The following THEMIS variants were observed in gnomAD, a reference collection of about 807,000 sequenced individuals.
The protein encoded by THEMIS is protein THEMIS.
In THEMIS, 37 loss-of-function variants were observed where a neutral mutation model predicts 52.6. The ratio of observed to expected loss-of-function variants is 0.70; its 90% confidence interval spans 0.54 to 0.93. THEMIS has a LOEUF of 0.93. Ranked by LOEUF, THEMIS falls within the 40% of genes least tolerant of loss-of-function variation. The pLI, the probability that THEMIS is intolerant of heterozygous loss-of-function variation, is 0.00. For synonymous variants in THEMIS, 292 were observed against 272.7 expected (o/e 1.07, Z -0.70); for missense variants, 808 against 763.1 (o/e 1.06, Z -0.69).
chr6:127,866,889 G>GTAGA (rs1159443550), intron 1 of THEMIS, among the ~76,000 whole-genome samples: 1 of 151,622 alleles, frequency 6.6e-6, no homozygotes, highest in African/African-American at 2.4e-5. Flanking sequence ...TGATAAGCTA[G>GTAGA]TAGACACTAA....
rs543494640 is a variant in THEMIS at position 127,721,081 on chromosome 6, C to G, written c.1759-1258G>C. ...ACAATTGTTTTTGCTCATTCCTTAA[C>G]TTCCACTATGCCATGAGGCTATGCC... On this transcript the variant is annotated intron_variant, in intron 4 of 5. Transcript: ENST00000368248. Among the ~76,000 whole-genome samples the G allele has an allele frequency of 3.9e-5, 6 of 152,086 alleles. No homozygotes were observed. In the South Asian group the frequency reaches 1.2e-3, roughly 32 times the overall value.
At chr6:127,901,199 G>A, upstream of THEMIS, 1 of 510,358 alleles carries the variant, frequency 2.0e-6, no homozygotes, top group Non-Finnish European at 3.5e-6. Context: ...ACAGGATGGG[G>A]GTGGGGTGAA....
chr6:127,846,654 C>T (rs546959123), intron 2 of THEMIS, among the ~76,000 whole-genome samples: 12 of 151,608 alleles, frequency 7.9e-5, no homozygotes, highest in Non-Finnish European at 1.6e-4. Flanking sequence ...TTAAAAATTG[C>T]CAACCAAAAA....
At chr6:127,713,553 T>C (rs1204289362) in intron 5 of THEMIS, among the ~76,000 whole-genome samples, 1 of 151,814 alleles carries the variant, frequency 6.6e-6, no homozygotes, top group Non-Finnish European at 1.5e-5. Context: ...AAAAGGACAC[T>C]GCAAAATATG....
intron 5 of THEMIS, among the ~76,000 whole-genome samples, chr6:127,712,516 G>A (rs1774018102): frequency 6.6e-6 from 1 of 151,844 alleles, no homozygotes; most frequent in African/African-American, 2.4e-5. Flanking sequence ...TATCTTTTTG[G>A]CATTCACCTA....
chr6:127,742,354 A>C (rs1313217308), intron 4 of THEMIS, among the ~76,000 whole-genome samples: 6 of 149,692 alleles, frequency 4.0e-5, no homozygotes, highest in African/African-American at 1.5e-4. Flanking sequence ...ACAAAAAAAC[A>C]AAAAAACAAA....
intron 5 of THEMIS, among the ~76,000 whole-genome samples, chr6:127,718,380 A>T (rs1774244190): frequency 2.0e-5 from 3 of 151,870 alleles, no homozygotes; most frequent in Admixed American, 1.3e-4. Flanking sequence ...CCCTAAAATC[A>T]TCACTTACAA....
chr6:127,748,386 G>A (rs1026454233), intron 4 of THEMIS, among the ~76,000 whole-genome samples: 5 of 151,852 alleles, frequency 3.3e-5, no homozygotes, highest in African/African-American at 1.2e-4. Context: ...TGTGAAAAGG[G>A]GCAAAACACC....
At chr6:127,914,634 A>C (rs1267246142) in intron 1 of THEMIS, among the ~76,000 whole-genome samples, 1 of 152,178 alleles carries the variant, frequency 6.6e-6, no homozygotes, top group Non-Finnish European at 1.5e-5. Flanking sequence ...AACATAGAAA[A>C]AGGCACAGTG....
At chr6:127,742,360 AC>A (rs201986982) in intron 4 of THEMIS, among the ~76,000 whole-genome samples, 9,724 of 150,408 alleles carry the variant, frequency 0.065, 301 homozygotes, top group Non-Finnish European at 0.082. Context: ...AAACAAAAAA[AC>A]AAAACAAAAC....
intron 1 of THEMIS, among the ~76,000 whole-genome samples, chr6:127,882,069 A>C (rs2114432724): frequency 6.6e-6 from 1 of 151,536 alleles, no homozygotes; most frequent in Admixed American, 6.6e-5. Flanking sequence ...TATCTTTTTA[A>C]GTATGTAGCT....
intron 3 of THEMIS, among the ~76,000 whole-genome samples, chr6:127,817,609 T>C (rs561315930): frequency 2.0e-5 from 3 of 152,154 alleles, no homozygotes; most frequent in African/African-American, 7.2e-5. Flanking sequence ...TACAAGGAAA[T>C]AGCAGATGCA....
intron 4 of THEMIS, among the ~76,000 whole-genome samples, chr6:127,781,832 C>G (rs1276641307): frequency 6.6e-6 from 1 of 152,160 alleles, no homozygotes; most frequent in Admixed American, 6.5e-5. Flanking sequence ...TGTCTGTCGA[C>G]CCCTCCCAGG....
intron 1 of THEMIS, among the ~76,000 whole-genome samples, chr6:127,898,514 T>A (rs971617963): frequency 2.6e-5 from 4 of 151,704 alleles, no homozygotes; most frequent in Non-Finnish European, 5.9e-5. Flanking sequence ...TTTGAGAGGA[T>A]GTGGAGAAAA....
intron 1 of THEMIS, among the ~76,000 whole-genome samples, chr6:127,887,009 TC>T (rs968905663): frequency 2.9e-5 from 4 of 139,830 alleles, no homozygotes; most frequent in East Asian, 2.1e-4. Flanking sequence ...CTCCCCTACC[TC>T]CCCCCCCAAA....
intron 3 of THEMIS, among the ~76,000 whole-genome samples, chr6:127,819,118 TAAAAAAAAAAAAAAAA>T (rs142123167): frequency 5.1e-5 from 1 of 19,470 alleles, no homozygotes; most frequent in African/African-American, 2.0e-4. Context: ...AGACTCTGTC[TAAAAAAAAAAAAAAAA>T]AAAAAAAAAA....
chr6:127,841,956 T>C (rs1396746061), intron 2 of THEMIS, among the ~76,000 whole-genome samples: 1 of 151,982 alleles, frequency 6.6e-6, no homozygotes, highest in African/African-American at 2.4e-5. Context: ...CCCTGATTCC[T>C]TGGATAGCGA....
chr6:127,857,033 C>T (rs75465687), intron 1 of THEMIS, among the ~76,000 whole-genome samples: 2,314 of 151,280 alleles, frequency 0.015, 67 homozygotes, highest in African/African-American at 0.053. Context: ...ATGACTACAA[C>T]ACATCAACTT....
At chr6:127,724,117 C>T (rs945781893) in intron 4 of THEMIS, among the ~76,000 whole-genome samples, 4 of 152,046 alleles carry the variant, frequency 2.6e-5, no homozygotes, top group African/African-American at 9.7e-5. Context: ...ATCATCACTC[C>T]TAACAGTACT....
Sources: gnomAD v4.1 joint callset for allele counts (sites outside exome capture counted in the v4.1 genomes callset) on GRCh38, gnomAD v4.1.1 for gene constraint, MANE v1.5 for transcripts, NCBI Gene and HGNC (gene_info 2026-07-23, HGNC 2026-07-21) for gene names.